Variants in PDCD11 observed in about 807,000 individuals in gnomAD.
The protein encoded by PDCD11 is programmed cell death 11, also known as protein RRP5 homolog.
In PDCD11, 97 loss-of-function variants were observed where a neutral mutation model predicts 198.9. The observed-to-expected ratio is 0.49, with a 90% CI of 0.41 to 0.58. The LOEUF (loss-of-function observed/expected upper bound fraction) is 0.58, where lower values mean the gene tolerates loss of function less well. Ranked by LOEUF, PDCD11 falls within the 20% of genes least tolerant of loss-of-function variation. The pLI, the probability that PDCD11 is intolerant of heterozygous loss-of-function variation, is 0.00. For synonymous variants in PDCD11, 893 were observed against 918.0 expected (o/e 0.97, Z 0.49); for missense variants, 2,102 against 2,312.7 (o/e 0.91, Z 1.87).
At chr10:103,409,178 G>A (rs2133687699) in intron 7 of PDCD11, among the ~76,000 whole-genome samples, 1 of 152,308 alleles carries the variant, frequency 6.6e-6, no homozygotes, top group Non-Finnish European at 1.5e-5. Context: ...GAAGGTAAGA[G>A]AGAGGTCTTA....
rs2032470059 is a variant in PDCD11, at chr10:103,443,324, G to A, written c.5115G>A (p.Glu1705=). ...TGGCTGACATCTACGCCAAGTCAGA[G>A]AAATTCCAGGTAGGAGGTTGGGCCA... ...LHLADIYAKS[E]KFQEAGELYN... The change falls in exon 33 of 36, where the codon GAG becomes GAA. Residue 1705 remains glutamate (E), a synonymous_variant. Coordinates refer to ENST00000369797, the MANE Select transcript of PDCD11 (RefSeq NM_014976.2). The A allele has an allele frequency of 6.2e-7, 1 of 1,605,206 alleles. No homozygotes were observed. The highest frequency in any genetic ancestry group is 1.3e-5 in the African/African-American group (1 of 74,850).
rs773035449 is a variant in PDCD11 at position 103,409,666 on chromosome 10, C to CT, written c.871-25dup. On this transcript the variant is annotated intron_variant, in intron 7 of 35. Coordinates refer to ENST00000369797, the MANE Select transcript of PDCD11 (RefSeq NM_014976.2). ...TCACATTCCTGGTTCTTTCAAAGAA[C>CT]TTTTTTTTATAACTTGTTCTGTTTA... 43 of 1,538,720 alleles carry CT rather than the reference C, an allele frequency of 2.8e-5. 1 individual carries two copies. Among genetic ancestry groups the CT allele is most frequent in the Middle Eastern group, 3.4e-4 (2 of 5,906 alleles).
intron 20 of PDCD11, 135 bp downstream of exon 20, chr10:103,425,660 G>T (rs1170407408): frequency 2.1e-5 from 15 of 705,534 alleles, no homozygotes; most frequent in African/African-American, 5.4e-5. Context: ...ATTCACCAAA[G>T]AATTATTTTG....
At chr10:103,444,114 CG>C in intron 34 of PDCD11, 46 bp downstream of exon 34, 1 of 1,551,370 alleles carries the variant, frequency 6.4e-7, no homozygotes, top group Non-Finnish European at 8.8e-7. Flanking sequence ...ACTCCAGGAT[CG>C]GGGAGTAGGA....
In PDCD11 at chr10:103,417,931, A is replaced by G. The variant is rs191892747; in HGVS notation, c.1910A>G (p.Gln637Arg). 1.5e-5 allele frequency: 25 copies of G among 1,614,052 alleles called. No homozygotes were observed. The highest frequency in any genetic ancestry group is 2.1e-5 in the Non-Finnish European group (25 of 1,179,980). Reference protein sequence around the residue: ...QKKGKAINIGQLVDVKVLEKT... With the variant: ...QKKGKAINIGRLVDVKVLEKT... ...AAAGGAAAAGCCATTAACATTGGGC[A>G]GGTACGTGGACTTCTCTGGACAAGC... The change falls in exon 14 of 36, where the codon CAG (glutamine) becomes CGG (arginine). Residue 637 changes from glutamine (Q) to arginine (R), a missense_variant and splice_region_variant. Coordinates refer to ENST00000369797, the MANE Select transcript of PDCD11 (RefSeq NM_014976.2).
intron 12 of PDCD11, 61 bp from the exon 13 acceptor site, chr10:103,416,430 A>G: frequency 6.3e-7 from 1 of 1,581,876 alleles, no homozygotes; most frequent in East Asian, 2.2e-5. Flanking sequence ...GGTTGCAGAG[A>G]CCAGCTCAGT....
At chr10:103,429,365 CAGGAAAAGAACAA>C (rs1413453256) in intron 21 of PDCD11, among the ~76,000 whole-genome samples, 3 of 152,084 alleles carry the variant, frequency 2.0e-5, no homozygotes, top group African/African-American at 7.2e-5. Context: ...CAAATCACTT[CAGGAAAAGAACAA>C]AGGATAACAC....
chr10:103,444,293 TG>T, intron 34 of PDCD11: 1 of 625,944 alleles, frequency 1.6e-6, no homozygotes, highest in Non-Finnish European at 2.8e-6. Context: ...CTGTTGCCCC[TG>T]GGATCCCCCA....
At chr10:103,397,344 T>G (rs1200943672) in intron 1 of PDCD11, among the ~76,000 whole-genome samples, 1 of 152,186 alleles carries the variant, frequency 6.6e-6, no homozygotes, top group Non-Finnish European at 1.5e-5. Flanking sequence ...TTTTTCTTGC[T>G]TACTGTTCTC....
At chr10:103,426,260 T>G (rs562442642) in intron 20 of PDCD11, among the ~76,000 whole-genome samples, 2 of 152,310 alleles carry the variant, frequency 1.3e-5, no homozygotes, top group South Asian at 2.1e-4. Flanking sequence ...ATTATCCTCA[T>G]TTACTTTAAA....
chr10:103,404,291 T>C (rs1490974336), intron 4 of PDCD11, among the ~76,000 whole-genome samples: 1 of 146,396 alleles, frequency 6.8e-6, no homozygotes, highest in Non-Finnish European at 1.5e-5. Flanking sequence ...GCCTGACCTA[T>C]GATTTTTGTT....
rs1461794112 is a variant in PDCD11 at position 103,440,398 on chromosome 10, G to A, written c.4257G>A (p.Glu1419=). 6 of 1,614,130 alleles carry A rather than the reference G, an allele frequency of 3.7e-6. No homozygotes were observed. Among genetic ancestry groups the A allele is most frequent in the Non-Finnish European group, 5.1e-6 (6 of 1,180,058 alleles). The part of the protein sequence containing the change: ...SLEGQLTKQE[E]RKTEAEERDQ... ...AAGGGCAACTTACAAAGCAAGAGGA[G>A]AGGAAAACAGAGGCTGAGGAGAGAG... The change falls in exon 29 of 36, where the codon GAG becomes GAA. Residue 1419 remains glutamate, a synonymous_variant. Transcript: ENST00000369797.
In PDCD11 at chr10:103,409,787, C is replaced by T. The variant is rs145088287; in HGVS notation, c.959C>T (p.Thr320Ile). The change falls in exon 8 of 36, where the codon ACA (threonine) becomes ATA (isoleucine). Residue 320 changes from threonine (T) to isoleucine (I), a missense_variant. By Grantham distance (89) the Thr-to-Ile change is moderately conservative. Transcript: ENST00000369797. Reference protein sequence around the residue: ...FMHLDPKKAGTYFSNQAVRAC... With the variant: ...FMHLDPKKAGIYFSNQAVRAC... ...CACCTGGATCCCAAGAAAGCTGGAA[C>T]ATATTTCTCAAATCAGGCAGTAAGA... 192 of 1,612,676 alleles carry T rather than the reference C, an allele frequency of 1.2e-4. No homozygotes were observed. Among genetic ancestry groups the T allele is most frequent in the Non-Finnish European group, 1.6e-4 (184 of 1,178,782 alleles).
rs1326882778 is a variant in PDCD11, at chr10:103,441,883, T to G, written c.4615T>G (p.Trp1539Gly). Residue 1539 changes from tryptophan (W) to glycine (G), a missense_variant, in exon 31 of 36, where the codon TGG becomes GGG. Coordinates refer to ENST00000369797, the MANE Select transcript of PDCD11 (RefSeq NM_014976.2). ...PRLQLSSGFA[W>G]NVGLDSLTPA... ...GCTGCAGCTGTCTTCAGGCTTCGCT[T>G]GGAATGTGGGACTAGACTCTCTGAC... is the stretch of plus-strand genomic sequence containing the variant. 3 of 1,614,036 alleles carry G rather than the reference T, an allele frequency of 1.9e-6. No individual in the cohort carries two copies. The highest frequency in any genetic ancestry group is 2.5e-6 in the Non-Finnish European group (3 of 1,180,020).
In PDCD11 at chr10:103,443,228, T is replaced by A. The variant is rs1376909708; in HGVS notation, c.5019T>A (p.Ser1673=). 6.2e-7 allele frequency: 1 copy of A among 1,612,466 alleles called. No homozygotes were observed. The highest frequency in any genetic ancestry group is 2.2e-5 in the East Asian group (1 of 44,832). Residue 1673 remains serine, a synonymous_variant, in exon 33 of 36, where the codon TCT becomes TCA. Transcript: ENST00000369797. ...ALLNLENMYG[S]QESLTKVFER... ...TGAACCTGGAGAACATGTACGGCTC[T>A]CAGGAGTCCCTGACCAAGGTCTTTG... is the stretch of plus-strand genomic sequence containing the variant.
At position 103,434,357 on chromosome 10, in the gene PDCD11, GGATGAA is replaced by G; in HGVS notation, c.3667+8_3667+13del. On this transcript the variant is annotated splice_region_variant and intron_variant, in intron 24 of 35. Transcript: ENST00000369797. ...TTATGTCTGTCCCTCACAGGTGTGG[GGATGAA>G]ACAGTGCCTGGTCGGGGAAGGGGAG... 6.4e-7 allele frequency: 1 copy of G among 1,561,120 alleles called. No homozygotes were observed. The highest frequency in any genetic ancestry group is 8.8e-7 in the Non-Finnish European group (1 of 1,132,210).
At chr10:103,418,760 T>G in intron 15 of PDCD11, 126 bp downstream of exon 15, 1 of 758,434 alleles carries the variant, frequency 1.3e-6, no homozygotes, top group Non-Finnish European at 2.1e-6. Flanking sequence ...AAACCAGTGA[T>G]GAAGCCTGTG....
intron 1 of PDCD11, among the ~76,000 whole-genome samples, chr10:103,398,193 C>T (rs2093447461): frequency 6.6e-6 from 1 of 152,182 alleles, no homozygotes; most frequent in Admixed American, 6.5e-5. Flanking sequence ...TCTATAACTT[C>T]TTTTTCTGGA....
At chr10:103,418,069 A>G in intron 14 of PDCD11, 137 bp downstream of exon 14, 1 of 888,416 alleles carries the variant, frequency 1.1e-6, no homozygotes, top group Non-Finnish European at 1.8e-6. Context: ...AGAGGGGTTC[A>G]TACGCATTCC....
Sources: gnomAD v4.1 joint callset for allele counts (sites outside exome capture counted in the v4.1 genomes callset) on GRCh38, gnomAD v4.1.1 for gene constraint, MANE v1.5 for transcripts, NCBI Gene and HGNC (gene_info 2026-07-23, HGNC 2026-07-21) for gene names.